Variants in DPP10 observed in about 807,000 individuals in gnomAD.
DPP10 encodes dipeptidyl peptidase like 10, also known as inactive dipeptidyl peptidase 10.
A neutral mutation model predicts 120.9 loss-of-function variants in DPP10; 33 were observed. The observed-to-expected ratio is 0.27, with a 90% confidence interval of 0.21 to 0.37. The LOEUF (loss-of-function observed/expected upper bound fraction) is 0.37. Among genes scored for constraint, DPP10 ranks in the 10% least tolerant of loss-of-function variants. The pLI is 1.00. For missense variants in DPP10, 816 were observed against 942.8 expected (o/e 0.87, Z 1.76); for synonymous variants, 337 against 326.1 (o/e 1.03, Z -0.36).
In DPP10 at chr2:115,500,601, T is replaced by C. The variant is rs537169971; in HGVS notation, c.366+997T>C. On this transcript the variant is annotated intron_variant, in intron 4 of 25. Coordinates refer to ENST00000410059, the MANE Select transcript of DPP10 (RefSeq NM_020868.6). The stretch of plus-strand genomic sequence containing the variant: ...ATTAAGTGATTATATATGTATATCA[T>C]TGGGCTAAATTTAACCAGCCAACTA... 1.1e-4 allele frequency among the ~76,000 whole-genome samples: 17 copies of C among 152,142 alleles called. No individual in the cohort carries two copies. The South Asian group carries it at 2.5e-3, about 22-fold the overall frequency.
At chr2:115,469,894 AAAAAAG>A (rs1411808600) in intron 3 of DPP10, among the ~76,000 whole-genome samples, 2 of 149,044 alleles carry the variant, frequency 1.3e-5, no homozygotes, top group Non-Finnish European at 3.0e-5. Flanking sequence ...GAAAAAAAAA[AAAAAAG>A]AAAAAAAAAA....
intron 1 of DPP10, among the ~76,000 whole-genome samples, chr2:114,631,975 T>A (rs1477386148): frequency 1.3e-5 from 2 of 152,236 alleles, no homozygotes; most frequent in Non-Finnish European, 2.9e-5. Context: ...CTCCATTTTT[T>A]AAAAATCCAG....
intron 1 of DPP10, among the ~76,000 whole-genome samples, chr2:114,703,359 C>T (rs1366133247): frequency 6.6e-6 from 1 of 152,106 alleles, no homozygotes; most frequent in Non-Finnish European, 1.5e-5. Flanking sequence ...AGCAGAGCTG[C>T]TAAACACGCA....
chr2:114,988,184 A>G (rs1242658748), intron 1 of DPP10, among the ~76,000 whole-genome samples: 1 of 152,084 alleles, frequency 6.6e-6, no homozygotes, highest in Non-Finnish European at 1.5e-5. Context: ...AGTAGTATTC[A>G]CCAAATTTTA....
rs62165222 is a variant in DPP10 at position 114,755,418 on chromosome 2, C to T, written c.60+312580C>T. 3.8e-3 allele frequency among the ~76,000 whole-genome samples: 574 copies of T among 152,148 alleles called. 6 individuals carry two copies. The highest frequency in any genetic ancestry group is 5.2e-3 in the Non-Finnish European group (350 of 67,894). The stretch of plus-strand genomic sequence containing the variant: ...AAGTGATCCTCCCCGCTTCACCCTC[C>T]AGAGTACCTGAGACTAAGGTGTGTG... On this transcript the variant is annotated intron_variant, in intron 1 of 25. Coordinates refer to ENST00000410059, the MANE Select transcript of DPP10 (RefSeq NM_020868.6).
At chr2:114,796,550 A>G (rs991943183) in intron 1 of DPP10, among the ~76,000 whole-genome samples, 19 of 152,116 alleles carry the variant, frequency 1.2e-4, no homozygotes, top group African/African-American at 4.1e-4. Flanking sequence ...ACAGTATGCT[A>G]TTAATATTTA....
chr2:115,459,850 T>G (rs2073875048), intron 3 of DPP10, among the ~76,000 whole-genome samples: 2 of 151,046 alleles, frequency 1.3e-5, no homozygotes, highest in Non-Finnish European at 3.0e-5. Flanking sequence ...AAGAACAAGC[T>G]GGAAAGGACT....
intron 1 of DPP10, among the ~76,000 whole-genome samples, chr2:115,171,731 A>T (rs1282112913): frequency 6.6e-6 from 1 of 151,240 alleles, no homozygotes. Flanking sequence ...AAAAAAAACA[A>T]AAAAAAAACA....
At chr2:114,714,762 G>GT (rs905758283) in intron 1 of DPP10, among the ~76,000 whole-genome samples, 41 of 151,660 alleles carry the variant, frequency 2.7e-4, no homozygotes, top group South Asian at 6.3e-4. Flanking sequence ...GTCTATGATT[G>GT]TTTTTTTTGT....
In DPP10 at chr2:115,118,803, T is replaced by C. The variant is rs1559116478; in HGVS notation, c.61-190436T>C. Among the ~76,000 whole-genome samples the C allele has an allele frequency of 1.4e-5, 2 of 147,700 alleles. 1 individual carries two copies. The highest frequency in any genetic ancestry group is 1.4e-4 in the Admixed American group (2 of 14,716). Reference sequence around the variant, plus strand: ...TGTGTGTGTGTGTGTTTAGTAGAGATGGGGTTTCACCATGTTGGCCAGGCT... The same window carrying C: ...TGTGTGTGTGTGTGTTTAGTAGAGACGGGGTTTCACCATGTTGGCCAGGCT... On this transcript the variant is annotated intron_variant, in intron 1 of 25. Coordinates refer to ENST00000410059, the MANE Select transcript of DPP10 (RefSeq NM_020868.6).
chr2:115,651,400 C>T (rs945987081), intron 5 of DPP10, among the ~76,000 whole-genome samples: 1 of 151,992 alleles, frequency 6.6e-6, no homozygotes, highest in African/African-American at 2.4e-5. Flanking sequence ...CTTGTGTTAT[C>T]CTCCTTTCCC....
chr2:115,349,676 T>C (rs1356608572), intron 3 of DPP10, among the ~76,000 whole-genome samples: 3 of 152,098 alleles, frequency 2.0e-5, no homozygotes, highest in South Asian at 4.1e-4. Flanking sequence ...AGAAACATTA[T>C]TGTAATATAT....
intron 5 of DPP10, among the ~76,000 whole-genome samples, chr2:115,550,588 A>G (rs1404576278): frequency 6.6e-6 from 1 of 152,156 alleles, no homozygotes; most frequent in Non-Finnish European, 1.5e-5. Flanking sequence ...TAGTTTTTGC[A>G]TGAAATTTAC....
intron 1 of DPP10, among the ~76,000 whole-genome samples, chr2:115,230,353 T>C (rs2057676411): frequency 1.3e-5 from 2 of 152,040 alleles, no homozygotes; most frequent in South Asian, 4.1e-4. Context: ...TATAAGATTA[T>C]ATCATCTGCA....
intron 1 of DPP10, among the ~76,000 whole-genome samples, chr2:115,109,926 T>C (rs552489563): frequency 6.6e-6 from 1 of 152,348 alleles, no homozygotes; most frequent in East Asian, 1.9e-4. Context: ...AAAACACAAG[T>C]TTGAGAATTT....
At chr2:114,659,253 G>A (rs1447010218) in intron 1 of DPP10, among the ~76,000 whole-genome samples, 2 of 152,150 alleles carry the variant, frequency 1.3e-5, no homozygotes, top group African/African-American at 4.8e-5. Flanking sequence ...GTATGTGGCA[G>A]GAGGGTTTCA....
intron 4 of DPP10, among the ~76,000 whole-genome samples, chr2:115,509,460 G>A (rs1472349795): frequency 6.6e-6 from 1 of 152,074 alleles, no homozygotes; most frequent in East Asian, 1.9e-4. Flanking sequence ...TTGAGCGTAT[G>A]GTTGGATGAA....
intron 7 of DPP10, among the ~76,000 whole-genome samples, chr2:115,724,154 A>G (rs1445580395): frequency 6.6e-6 from 1 of 152,186 alleles, no homozygotes; most frequent in Non-Finnish European, 1.5e-5. Flanking sequence ...ATGGTAAGCT[A>G]ATTTATATTG....
chr2:114,813,808 C>T (rs1685386386), intron 1 of DPP10, among the ~76,000 whole-genome samples: 1 of 151,522 alleles, frequency 6.6e-6, no homozygotes, highest in South Asian at 2.1e-4. Context: ...GGAGAAGAAA[C>T]TGAATGTGGA....
Sources: allele counts gnomAD v4.1 joint callset (sites outside exome capture counted in the v4.1 genomes callset), GRCh38; gene constraint gnomAD v4.1.1; transcripts MANE v1.5; gene names NCBI Gene and HGNC (gene_info 2026-07-23, HGNC 2026-07-21).